Variants in RANBP17 observed in about 807,000 individuals in gnomAD.
RANBP17 encodes ran-binding protein 17.
In RANBP17, 158 loss-of-function variants were observed where a neutral mutation model predicts 141.2. The observed-to-expected ratio is 1.12, with a 90% CI of 0.98 to 1.28. The LOEUF is 1.28. RANBP17 is among the 50% of genes most tolerant of loss of function. The pLI is 0.00. For synonymous variants in RANBP17, 430 were observed against 450.0 expected, an observed-to-expected ratio of 0.96 and a Z score of 0.56; for missense variants, 1,438 against 1,290.7, an observed-to-expected ratio of 1.11 and a Z score of -1.75.
At chr5:171,095,320 C>T (rs1561649049) in intron 14 of RANBP17, among the ~76,000 whole-genome samples, 2 of 152,078 alleles carry the variant, frequency 1.3e-5, no homozygotes, top group Admixed American at 1.3e-4. Flanking sequence ...CTTTGATGTA[C>T]TTGTTGTGAC....
chr5:171,037,382 G>A (rs7725169), intron 14 of RANBP17, among the ~76,000 whole-genome samples: 2,576 of 152,180 alleles, frequency 0.017, 67 homozygotes, highest in African/African-American at 0.058. Flanking sequence ...CTCTCATTCT[G>A]TAGATTGTCT....
In RANBP17 at chr5:170,878,994, C is replaced by A. The variant is rs13189537; in HGVS notation, c.165+751C>A. Among the ~76,000 whole-genome samples the A allele has an allele frequency of 7.9e-3, 1,202 of 152,206 alleles. 23 individuals carry two copies. Among genetic ancestry groups the A allele is most frequent in the South Asian group, 0.071 (341 of 4,824 alleles). On this transcript the variant is annotated intron_variant, in intron 2 of 27. Transcript: ENST00000523189. ...TCAAAATATAATAATCTAATACAGA[C>A]TTTTTAATAATACAGGTCTGTTAAT...
intron 14 of RANBP17, among the ~76,000 whole-genome samples, chr5:171,047,014 C>T (rs1472095588): frequency 9.2e-5 from 9 of 97,778 alleles, no homozygotes; most frequent in African/African-American, 1.6e-4. Flanking sequence ...TTTATTTTGC[C>T]TTTTTTTTTT....
chr5:171,126,848 A>G (rs1290821726), intron 14 of RANBP17, among the ~76,000 whole-genome samples: 1 of 152,204 alleles, frequency 6.6e-6, no homozygotes, highest in African/African-American at 2.4e-5. Context: ...CCCAAAAAAG[A>G]AGAGCCCAGG....
intron 18 of RANBP17, among the ~76,000 whole-genome samples, chr5:171,186,565 C>CTCGCTCTG (rs1224998541): frequency 1.9e-5 from 1 of 52,054 alleles, no homozygotes; most frequent in African/African-American, 6.1e-5. Context: ...GAGACGGAGT[C>CTCGCTCTG]TCGCTCTGTC....
chr5:171,067,489 C>T (rs1784380508), intron 14 of RANBP17, among the ~76,000 whole-genome samples: 1 of 152,084 alleles, frequency 6.6e-6, no homozygotes, highest in East Asian at 1.9e-4. Context: ...CTCTGTACGC[C>T]TTCGAGTTAC....
At chr5:171,169,400 A>G (rs544842308) in intron 14 of RANBP17, among the ~76,000 whole-genome samples, 1 of 152,264 alleles carries the variant, frequency 6.6e-6, no homozygotes, top group African/African-American at 2.4e-5. Flanking sequence ...AGTAAGGGGT[A>G]TAAGTGGCAT....
At position 170,953,699 on chromosome 5, in the gene RANBP17, G is replaced by T. The variant is rs146634247; in HGVS notation, c.1571G>T (p.Cys524Phe). The stretch of plus-strand genomic sequence containing the variant: ...GATGCTATGGATGGAGAATTATCCT[G>T]TCGGTAAGTAAGAGCTATGTAATTT... The part of the protein sequence containing the change: ...EHDAMDGELS[C>F]RVFQLISLMD... Residue 524 changes from cysteine (C) to phenylalanine (F), a missense_variant, in exon 13 of 28, where the codon TGT becomes TTT. Cys to Phe is a radical substitution (Grantham distance 205, BLOSUM62 -2). Coordinates refer to ENST00000523189, the MANE Select transcript of RANBP17 (RefSeq NM_022897.5). 1.3e-6 allele frequency: 2 copies of T among 1,578,762 alleles called. No homozygotes were observed. Among genetic ancestry groups the T allele is most frequent in the South Asian group, 1.1e-5 (1 of 89,220 alleles).
chr5:171,007,677 TTATC>T (rs1397208963), intron 14 of RANBP17, among the ~76,000 whole-genome samples: 1 of 152,038 alleles, frequency 6.6e-6, no homozygotes, highest in Admixed American at 6.6e-5. Flanking sequence ...TCGACAAAAA[TTATC>T]TAGGTCTCGT....
chr5:171,045,808 G>T (rs1382272575), intron 14 of RANBP17, among the ~76,000 whole-genome samples: 2 of 152,020 alleles, frequency 1.3e-5, no homozygotes, highest in African/African-American at 4.8e-5. Context: ...GAGTAGTTCT[G>T]TCCCCTGAGA....
At chr5:170,992,497 G>A (rs935013552) in intron 14 of RANBP17, among the ~76,000 whole-genome samples, 8 of 151,866 alleles carry the variant, frequency 5.3e-5, no homozygotes, top group Non-Finnish European at 1.0e-4. Flanking sequence ...TAAAAAATAA[G>A]CATTGCCCAG....
chr5:171,092,684 A>G (rs1489057091), intron 14 of RANBP17, among the ~76,000 whole-genome samples: 1 of 152,162 alleles, frequency 6.6e-6, no homozygotes, highest in Non-Finnish European at 1.5e-5. Flanking sequence ...TATTTTTCCT[A>G]AGAGATCTTT....
intron 14 of RANBP17, among the ~76,000 whole-genome samples, chr5:171,116,646 A>G (rs1383775090): frequency 6.6e-6 from 1 of 152,226 alleles, no homozygotes; most frequent in Non-Finnish European, 1.5e-5. Context: ...CATATCCATC[A>G]TCTCAAACAT....
At chr5:171,269,771 A>G (rs550917781) in intron 25 of RANBP17, among the ~76,000 whole-genome samples, 9 of 152,242 alleles carry the variant, frequency 5.9e-5, no homozygotes, top group East Asian at 1.9e-4. Flanking sequence ...TTGCTGCTTT[A>G]TAACTTGAGG....
chr5:171,084,322 T>G (rs535020482), intron 14 of RANBP17, among the ~76,000 whole-genome samples: 1 of 145,564 alleles, frequency 6.9e-6, no homozygotes, highest in African/African-American at 2.5e-5. Flanking sequence ...TAGTATTCCA[T>G]GGTGTATATG....
intron 14 of RANBP17, among the ~76,000 whole-genome samples, chr5:171,139,973 A>C (rs555872694): frequency 6.6e-6 from 1 of 152,116 alleles, no homozygotes; most frequent in East Asian, 1.9e-4. Flanking sequence ...CTTCTTTAAG[A>C]CCCTCAGCAG....
intron 14 of RANBP17, among the ~76,000 whole-genome samples, chr5:170,993,704 A>T (rs1042021961): frequency 1.3e-5 from 2 of 152,038 alleles, no homozygotes; most frequent in Non-Finnish European, 2.9e-5. Context: ...GATGATGATA[A>T]TGATGACCAT....
chr5:170,998,896 G>A (rs374505794), intron 14 of RANBP17, among the ~76,000 whole-genome samples: 1 of 151,968 alleles, frequency 6.6e-6, no homozygotes, highest in East Asian at 1.9e-4. Context: ...CTAGATAGAT[G>A]ATCACATTTT....
chr5:171,159,483 A>G (rs978195207), intron 14 of RANBP17, among the ~76,000 whole-genome samples: 3 of 152,182 alleles, frequency 2.0e-5, no homozygotes, highest in Non-Finnish European at 2.9e-5. Flanking sequence ...GAGATCAGTA[A>G]TATTATATTT....
Sources: allele counts gnomAD v4.1 joint callset (sites outside exome capture counted in the v4.1 genomes callset), GRCh38; gene constraint gnomAD v4.1.1; transcripts MANE v1.5; gene names NCBI Gene and HGNC (gene_info 2026-07-23, HGNC 2026-07-21).